The following PTPRG variants were observed in gnomAD, a reference collection of about 807,000 sequenced individuals.
PTPRG encodes the protein receptor-type tyrosine-protein phosphatase gamma.
PTPRG carries 102 observed loss-of-function variants against 165.3 expected under a neutral mutation model. The observed-to-expected ratio is 0.62, with a 90% CI of 0.53 to 0.73. The LOEUF (loss-of-function observed/expected upper bound fraction) is 0.73, where lower values mean the gene tolerates loss of function less well. PTPRG is among the 30% of genes least tolerant of loss of function. The pLI is 0.00. For missense variants in PTPRG, 1,866 were observed against 1,861.4 expected (o/e 1.00, Z -0.05); for synonymous variants, 675 against 669.5 (o/e 1.01, Z -0.13).
At chr3:61,712,984 T>C (rs1035271105) in intron 1 of PTPRG, among the ~76,000 whole-genome samples, 2 of 152,104 alleles carry the variant, frequency 1.3e-5, no homozygotes, top group South Asian at 2.1e-4. Context: ...GGCATGGTAT[T>C]AGTAACATAC....
intron 4 of PTPRG, among the ~76,000 whole-genome samples, chr3:62,017,719 C>T (rs532935801): frequency 7.2e-5 from 11 of 151,950 alleles, no homozygotes; most frequent in South Asian, 2.1e-4. Flanking sequence ...CCACCGCGCC[C>T]GGCTCAGAAA....
rs534122767 is a variant in PTPRG at position 62,260,518 on chromosome 3, G to A, written c.2560-2280G>A. ...TTTATTTTACACCTGTTTTATGTTG[G>A]CCTTCTCCTATGCTTATGTGCCTGT... On this transcript the variant is annotated intron_variant, in intron 16 of 29. Transcript: ENST00000474889. 3.9e-5 allele frequency among the ~76,000 whole-genome samples: 6 copies of A among 152,146 alleles called. No individual in the cohort carries two copies. In the South Asian group the frequency reaches 8.3e-4, roughly 21 times the overall value.
intron 1 of PTPRG, among the ~76,000 whole-genome samples, chr3:61,637,584 C>A (rs1410250519): frequency 6.6e-6 from 1 of 152,180 alleles, no homozygotes; most frequent in African/African-American, 2.4e-5. Context: ...TTGTTCCCTT[C>A]AGGTTTCAGT....
At chr3:62,048,422 AT>A (rs1437897472) in intron 4 of PTPRG, among the ~76,000 whole-genome samples, 1 of 152,190 alleles carries the variant, frequency 6.6e-6, no homozygotes, top group Admixed American at 6.5e-5. Context: ...CAAGATAGGT[AT>A]TTTGTGACCT....
chr3:61,885,297 G>T (rs1410606544), intron 2 of PTPRG, among the ~76,000 whole-genome samples: 1 of 152,098 alleles, frequency 6.6e-6, no homozygotes, highest in Non-Finnish European at 1.5e-5. Context: ...AACCACCTGT[G>T]TGGATTTCTT....
At chr3:61,785,303 G>A (rs939157913) in intron 2 of PTPRG, among the ~76,000 whole-genome samples, 5 of 152,234 alleles carry the variant, frequency 3.3e-5, no homozygotes, top group Non-Finnish European at 7.4e-5. Flanking sequence ...AAAATGAAAC[G>A]TGCAATTTAG....
chr3:61,998,138 G>T (rs1007797708), intron 3 of PTPRG, among the ~76,000 whole-genome samples: 1 of 152,216 alleles, frequency 6.6e-6, no homozygotes, highest in Non-Finnish European at 1.5e-5. Flanking sequence ...TTTATAAACA[G>T]TTGGGGGATG....
chr3:61,984,137 T>TC (rs2040703840), intron 2 of PTPRG, among the ~76,000 whole-genome samples: 1 of 152,196 alleles, frequency 6.6e-6, no homozygotes. Flanking sequence ...AAATATGTCT[T>TC]CCTGATGCTA....
intron 2 of PTPRG, among the ~76,000 whole-genome samples, chr3:61,983,768 G>C (rs1186733867): frequency 6.6e-6 from 1 of 152,128 alleles, no homozygotes; most frequent in East Asian, 1.9e-4. Flanking sequence ...ATACTGAAGT[G>C]AGACAGTTTG....
intron 1 of PTPRG, among the ~76,000 whole-genome samples, chr3:61,741,298 G>A (rs1183319230): frequency 6.6e-6 from 1 of 152,172 alleles, no homozygotes; most frequent in East Asian, 1.9e-4. Flanking sequence ...ATTTGACAAT[G>A]TGAGTGCCTG....
intron 2 of PTPRG, among the ~76,000 whole-genome samples, chr3:61,937,793 G>A (rs1434940871): frequency 1.3e-5 from 2 of 152,140 alleles, no homozygotes; most frequent in African/African-American, 4.8e-5. Context: ...CCCAGCTCCA[G>A]TATATTTATT....
intron 1 of PTPRG, among the ~76,000 whole-genome samples, chr3:61,713,542 A>C (rs1010071671): frequency 3.9e-5 from 6 of 152,260 alleles, no homozygotes; most frequent in Middle Eastern, 3.4e-3. Flanking sequence ...ATTATAGTAG[A>C]GAATGAGGCA....
intron 4 of PTPRG, among the ~76,000 whole-genome samples, chr3:62,076,559 A>C (rs376632640): frequency 6.7e-6 from 1 of 150,258 alleles, no homozygotes; most frequent in Non-Finnish European, 1.5e-5. Flanking sequence ...GGGATACCCA[A>C]TGGTTCATTT....
chr3:61,745,470 G>A (rs562397499), intron 1 of PTPRG, among the ~76,000 whole-genome samples: 59 of 152,080 alleles, frequency 3.9e-4, no homozygotes, highest in Non-Finnish European at 6.2e-4. Flanking sequence ...CCCTTCATAC[G>A]CCATGCAGCA....
intron 2 of PTPRG, among the ~76,000 whole-genome samples, chr3:61,836,894 G>A (rs904825397): frequency 2.7e-5 from 4 of 149,472 alleles, no homozygotes; most frequent in Non-Finnish European, 5.9e-5. Flanking sequence ...ACAGGCACAC[G>A]CCACCAGGCC....
chr3:62,272,109 G>GA (rs891264238), intron 21 of PTPRG, among the ~76,000 whole-genome samples: 2 of 150,876 alleles, frequency 1.3e-5, no homozygotes, highest in East Asian at 1.9e-4. Context: ...AAAAAAAAAA[G>GA]AAAAAATTAC....
chr3:62,276,989 G>C lies in PTPRG; in HGVS notation c.3577G>C (p.Gly1193Arg). The C allele has an allele frequency of 6.2e-7, 1 of 1,612,942 alleles. No individual in the cohort carries two copies. Among genetic ancestry groups the C allele is most frequent in the Non-Finnish European group, 8.5e-7 (1 of 1,179,284 alleles). Residue 1193 changes from glycine (G) to arginine (R), a missense_variant, in exon 25 of 30, where the codon GGT becomes CGT. Physicochemically the swap from Gly to Arg is moderately radical, Grantham distance 125. Around this residue, in one of 3 missense-constraint regions of PTPRG, gnomAD observed 1,452 missense variants for 1,463.0 expected, o/e 0.99. Transcript: ENST00000474889. ...TATGATAGCTGAGCGTGCTCGAGTG[G>C]GTCTTGCACCATTGCCTGGAATGAA... ...SVVPSERARV[G>R]LAPLPGMKGT... is the part of the protein sequence containing the mutation.
intron 1 of PTPRG, among the ~76,000 whole-genome samples, chr3:61,709,495 A>G (rs982344897): frequency 2.0e-5 from 3 of 151,954 alleles, no homozygotes; most frequent in African/African-American, 7.2e-5. Flanking sequence ...TTGTATTTTT[A>G]GTAGAGAGGG....
At chr3:62,109,868 G>T (rs1260784669) in intron 5 of PTPRG, among the ~76,000 whole-genome samples, 4 of 152,120 alleles carry the variant, frequency 2.6e-5, no homozygotes, top group Non-Finnish European at 5.9e-5. Context: ...GGTATGTGCT[G>T]GTCCGCTCTC....
Sources: allele counts gnomAD v4.1 joint callset (sites outside exome capture counted in the v4.1 genomes callset), GRCh38; gene constraint gnomAD v4.1.1; regional missense constraint gnomAD v4.1.1; transcripts MANE v1.5; gene names NCBI Gene and HGNC (gene_info 2026-07-23, HGNC 2026-07-21).